DDX60L: variants seen among roughly 807,000 people sequenced by gnomAD.
The protein encoded by DDX60L is DExD/H-box 60 like.
Under a neutral mutation model 211.6 loss-of-function variants are expected in DDX60L, and 191 were observed. The observed-to-expected ratio is 0.90, with a 90% confidence interval of 0.80 to 1.02. The LOEUF is 1.02. Ranked by LOEUF, DDX60L falls within the 50% of genes least tolerant of loss-of-function variation. The pLI is 0.00. For synonymous variants in DDX60L, 706 were observed against 694.1 expected, an observed-to-expected ratio of 1.02 and a Z score of -0.27; for missense variants, 2,007 against 1,984.1, an observed-to-expected ratio of 1.01 and a Z score of -0.22.
intron 14 of DDX60L, among the ~76,000 whole-genome samples, chr4:168,425,401 A>C (rs1751296859): frequency 6.6e-6 from 1 of 152,234 alleles, no homozygotes; most frequent in Non-Finnish European, 1.5e-5. Flanking sequence ...TCTGAGTAGG[A>C]CATACTCAAG....
chr4:168,392,462 G>C (rs1178011612), intron 28 of DDX60L, among the ~76,000 whole-genome samples: 1 of 151,854 alleles, frequency 6.6e-6, no homozygotes, highest in Non-Finnish European at 1.5e-5. Context: ...CCCATTATTG[G>C]TTCATCTGTA....
At chr4:168,434,160 C>T (rs114188048) in intron 10 of DDX60L, among the ~76,000 whole-genome samples, 2,267 of 151,932 alleles carry the variant, frequency 0.015, 60 homozygotes, top group African/African-American at 0.051. Context: ...TGAGTGTGTA[C>T]ATGTGTATAT....
intron 24 of DDX60L, among the ~76,000 whole-genome samples, chr4:168,405,017 T>C (rs2149792512): frequency 6.6e-6 from 1 of 152,232 alleles, no homozygotes; most frequent in South Asian, 2.1e-4. Flanking sequence ...GTATCATTTT[T>C]TTTTTTTTTG....
At chr4:168,461,559 G>T in intron 5 of DDX60L, 140 bp downstream of exon 5, 1 of 624,078 alleles carries the variant, frequency 1.6e-6, no homozygotes, top group Non-Finnish European at 2.7e-6. Context: ...CATTATCATT[G>T]TTACCATTAT....
Position 168,427,175 on chromosome 4 carries a change from C to T in DDX60L, c.1825G>A (p.Glu609Lys). Residue 609 changes from glutamate (E) to lysine (K), a missense_variant, in exon 14 of 38, where the codon GAA (glutamate) becomes AAA (lysine). Coordinates refer to ENST00000682922, the MANE Select transcript of DDX60L (RefSeq NM_001012967.3). ...NNLHSGIRKL[E>K]DYLTSCASNS... is the part of the protein sequence containing the mutation. Reference sequence around the variant, plus strand: ...CTTGCACATGATGTCAAATAATCTTCCAATTTCCTTATTCCAGAATGTAAA... The same window carrying T: ...CTTGCACATGATGTCAAATAATCTTTCAATTTCCTTATTCCAGAATGTAAA... 1.2e-6 allele frequency: 2 copies of T among 1,611,976 alleles called. No individual in the cohort carries two copies. Among genetic ancestry groups the T allele is most frequent in the Non-Finnish European group, 1.7e-6 (2 of 1,178,684 alleles).
chr4:168,367,020 T>C (rs1310258493), intron 36 of DDX60L, among the ~76,000 whole-genome samples: 1 of 151,968 alleles, frequency 6.6e-6, no homozygotes, highest in Non-Finnish European at 1.5e-5. Context: ...AATAACATAT[T>C]AAATATAATA....
intron 4 of DDX60L, chr4:168,469,484 C>A (rs1331255007): frequency 2.0e-5 from 3 of 152,048 alleles, no homozygotes; most frequent in Non-Finnish European, 4.4e-5. Flanking sequence ...AAGAGATAGG[C>A]AATGATTCTT....
intron 13 of DDX60L, among the ~76,000 whole-genome samples, chr4:168,428,071 G>A (rs917629212): frequency 1.3e-5 from 2 of 152,206 alleles, no homozygotes; most frequent in African/African-American, 4.8e-5. Context: ...GGGCTCAGCT[G>A]GGTGAGGCCC....
chr4:168,410,257 T>C (rs11942034), intron 22 of DDX60L, among the ~76,000 whole-genome samples: 117,157 of 152,044 alleles, frequency 0.77, 45,500 homozygotes, highest in East Asian at 0.86. Flanking sequence ...GGAGAGATCA[T>C]AGAAAGACTT....
chr4:168,451,404 C>T (rs893310609), intron 8 of DDX60L, among the ~76,000 whole-genome samples: 71 of 152,356 alleles, frequency 4.7e-4, no homozygotes, highest in African/African-American at 1.6e-3. Context: ...TCGGTGGCAG[C>T]ATCCATACAG....
At position 168,403,998 on chromosome 4, in the gene DDX60L, G is replaced by T; in HGVS notation, c.3322C>A (p.Pro1108Thr). The part of the protein sequence containing the change: ...VEKLRQMDKL[P>T]AIFFLFKNDD... ...GTTACTTACAAAAAAAATATTGCAG[G>T]CAACTTATCCATTTGTCTTAACTTT... The change falls in exon 25 of 38, where the codon CCT (proline) becomes ACT (threonine). Residue 1108 changes from proline to threonine, a missense_variant. Physicochemically the swap from Pro to Thr is conservative, Grantham distance 38 (BLOSUM62 -1). Transcript: ENST00000682922. The T allele has an allele frequency of 6.8e-7, 1 of 1,461,442 alleles. No homozygotes were observed. Among genetic ancestry groups the T allele is most frequent in the South Asian group, 1.5e-5 (1 of 67,660 alleles). 90.5% of individuals were successfully genotyped at this position (1,461,442 alleles called of 1,614,324 possible).
chr4:168,404,428 C>G lies in DDX60L; in HGVS notation c.3214-322G>C, dbSNP rs117765356. Among the ~76,000 whole-genome samples, 35 of 152,096 alleles carry G rather than the reference C, an allele frequency of 2.3e-4. 1 individual carries two copies. In the East Asian group the frequency reaches 4.6e-3, roughly 20 times the overall value. On this transcript the variant is annotated intron_variant, in intron 24 of 37. Coordinates refer to ENST00000682922, the MANE Select transcript of DDX60L (RefSeq NM_001012967.3). ...TTGCAGGAAGAGTGACAAAGGGTTTCTCCAGTTATTATATAACAAAATAGC... is the reference window on the plus strand; with the variant it reads ...TTGCAGGAAGAGTGACAAAGGGTTTGTCCAGTTATTATATAACAAAATAGC...
intron 34 of DDX60L, among the ~76,000 whole-genome samples, chr4:168,374,451 CT>C (rs1448847384): frequency 6.6e-6 from 1 of 152,146 alleles, no homozygotes; most frequent in African/African-American, 2.4e-5. Flanking sequence ...TTATTCTCCC[CT>C]AAAAGTTTCC....
chr4:168,462,465 G>GA (rs553560202), intron 4 of DDX60L, among the ~76,000 whole-genome samples: 34 of 146,426 alleles, frequency 2.3e-4, no homozygotes, highest in South Asian at 1.1e-3. Context: ...ATTTACAAGA[G>GA]AAAAAAAAAA....
At chr4:168,459,299 A>G (rs1756988239) in intron 5 of DDX60L, among the ~76,000 whole-genome samples, 1 of 152,050 alleles carries the variant, frequency 6.6e-6, no homozygotes, top group African/African-American at 2.4e-5. Flanking sequence ...CAGCCTGGGC[A>G]ACATAGCGAG....
At chr4:168,443,816 C>T (rs1213140726) in intron 9 of DDX60L, among the ~76,000 whole-genome samples, 2 of 151,348 alleles carry the variant, frequency 1.3e-5, no homozygotes, top group African/African-American at 4.9e-5. Context: ...ACTTTACAGA[C>T]AAGCAAATGC....
At chr4:168,420,457 TACACATACAC>T (rs751585943) in intron 17 of DDX60L, 77 bp from the exon 18 acceptor site, 11 of 815,830 alleles carry the variant, frequency 1.3e-5, no homozygotes, top group Middle Eastern at 2.5e-4. Flanking sequence ...ACCGAATCCA[TACACATACAC>T]ACACACACAC....
chr4:168,427,151 T>C lies in DDX60L; in HGVS notation c.1849A>G (p.Ser617Gly). The change falls in exon 14 of 38, where the codon AGT becomes GGT. Residue 617 changes from serine (S) to glycine (G), a missense_variant. Coordinates refer to ENST00000682922, the MANE Select transcript of DDX60L (RefSeq NM_001012967.3). ...TCAACTCCAAATTTCACTGAATTACTTGCACATGATGTCAAATAATCTTCC... is the reference window on the plus strand; with the variant it reads ...TCAACTCCAAATTTCACTGAATTACCTGCACATGATGTCAAATAATCTTCC... ...KLEDYLTSCA[S>G]NSVKFGVEML... 6.2e-7 allele frequency: 1 copy of C among 1,610,512 alleles called. No individual in the cohort carries two copies. Among genetic ancestry groups the C allele is most frequent in the Non-Finnish European group, 8.5e-7 (1 of 1,177,732 alleles).
Position 168,419,306 on chromosome 4 carries a change from T to C in DDX60L, c.2606A>G (p.Asp869Gly). The stretch of plus-strand genomic sequence containing the variant: ...GAGAACTAACACCAAACCTACCTCA[T>C]CAAATATAACATATCTGATCCTTTC... ...WVERIRYVIF[D>G]EVHYLGREVG... The change falls in exon 19 of 38, where the codon GAT (aspartate) becomes GGT (glycine). Residue 869 changes from aspartate to glycine, a missense_variant. By Grantham distance (94) the Asp-to-Gly change is moderately conservative. Transcript: ENST00000682922. The C allele has an allele frequency of 1.3e-6, 2 of 1,589,378 alleles. No individual in the cohort carries two copies. Among genetic ancestry groups the C allele is most frequent in the Non-Finnish European group, 8.6e-7 (1 of 1,165,818 alleles).
Sources: allele counts gnomAD v4.1 joint callset (sites outside exome capture counted in the v4.1 genomes callset), GRCh38; gene constraint gnomAD v4.1.1; transcripts MANE v1.5; gene names NCBI Gene and HGNC (gene_info 2026-07-23, HGNC 2026-07-21).